Variants in ADK observed in about 807,000 individuals in gnomAD.
ADK encodes the protein adenosine kinase, also known as N6,N6-dimethyladenosine kinase.
ADK carries 24 observed loss-of-function variants against 44.7 expected under a neutral mutation model. The observed-to-expected ratio is 0.54, with a 90% CI of 0.39 to 0.76. ADK has a LOEUF of 0.76. Ranked by LOEUF, ADK falls within the 30% of genes least tolerant of loss-of-function variation. The probability of loss-of-function intolerance (pLI) is 0.00; values close to 1 mark genes in which losing one functional copy is unlikely to be tolerated. For missense variants in ADK, 321 were observed against 425.1 expected (o/e 0.76, Z 2.15); for synonymous variants, 128 against 142.6 (o/e 0.90, Z 0.73).
At chr10:74,207,763 C>T (rs192007695) in intron 2 of ADK, among the ~76,000 whole-genome samples, 1 of 152,256 alleles carries the variant, frequency 6.6e-6, no homozygotes, top group East Asian at 1.9e-4. Flanking sequence ...TCAGTGGACC[C>T]CACCTGGAAC....
At chr10:74,177,574 A>G (rs1012131034) in intron 1 of ADK, among the ~76,000 whole-genome samples, 1 of 152,162 alleles carries the variant, frequency 6.6e-6, no homozygotes, top group African/African-American at 2.4e-5. Flanking sequence ...GGGCTTGTCC[A>G]CTTTCTCCCA....
chr10:74,162,698 C>G (rs902350898), intron 1 of ADK, among the ~76,000 whole-genome samples: 1 of 151,758 alleles, frequency 6.6e-6, no homozygotes. Flanking sequence ...TCATGCACCA[C>G]TGTGCCCAGC....
rs67693938 is a variant in ADK, at chr10:74,184,501, T to TTGTGTGTGTGTG, written c.66-16231_66-16220dup. 1.2e-4 allele frequency among the ~76,000 whole-genome samples: 17 copies of TTGTGTGTGTGTG among 138,508 alleles called. No homozygotes were observed. In the South Asian group the frequency reaches 2.4e-3, roughly 20 times the overall value. The allele number at this position is 138,508 out of a possible 152,430, so 90.9% of individuals were successfully genotyped here. ...ACACACCACCATGCCTGGCTATATT[T>TTGTGTGTGTGTG]TGTGTGTGTGTGTGTGTGTGTGTGT... On this transcript the variant is annotated intron_variant, in intron 1 of 10. Transcript: ENST00000539909.
chr10:74,481,431 C>T (rs1281784909), intron 6 of ADK, among the ~76,000 whole-genome samples: 1 of 152,110 alleles, frequency 6.6e-6, no homozygotes, highest in East Asian at 1.9e-4. Context: ...TCCTGACCTC[C>T]ATTTTATTTA....
chr10:74,659,373 C>G (rs76352394), intron 9 of ADK, among the ~76,000 whole-genome samples: 250 of 152,326 alleles, frequency 1.6e-3, no homozygotes, highest in African/African-American at 5.9e-3. Context: ...TGTTTACATT[C>G]AGAACTGAAG....
At chr10:74,255,185 A>T (rs2132350015) in intron 3 of ADK, among the ~76,000 whole-genome samples, 1 of 152,278 alleles carries the variant, frequency 6.6e-6, no homozygotes, top group African/African-American at 2.4e-5. Context: ...GTTAGAAATT[A>T]TAAAGGCAAA....
chr10:74,547,794 G>A (rs1418652642), intron 7 of ADK, among the ~76,000 whole-genome samples: 1 of 152,152 alleles, frequency 6.6e-6, no homozygotes, highest in Non-Finnish European at 1.5e-5. Context: ...GAATAGCTGG[G>A]ATTACAGGCA....
At position 74,278,601 on chromosome 10, in the gene ADK, A is replaced by T. The variant is rs568803266; in HGVS notation, c.195-36066A>T. 2.6e-5 allele frequency among the ~76,000 whole-genome samples: 4 copies of T among 152,338 alleles called. No individual in the cohort carries two copies. In the South Asian group the frequency reaches 8.3e-4, roughly 32 times the overall value. On this transcript the variant is annotated intron_variant, in intron 3 of 10. Coordinates refer to ENST00000539909, the MANE Select transcript of ADK (RefSeq NM_006721.4). ...AGTTTATCTGATAACAATTACATGT[A>T]GTTAAACTTCTTTCTTTTGGTCAAC...
At chr10:74,413,472 A>G (rs767387388) in intron 6 of ADK, among the ~76,000 whole-genome samples, 13 of 152,102 alleles carry the variant, frequency 8.5e-5, no homozygotes, top group African/African-American at 2.4e-4. Flanking sequence ...CTTTCTTTCA[A>G]CCTCACAAAT....
At chr10:74,447,029 C>T (rs1200413251) in intron 6 of ADK, among the ~76,000 whole-genome samples, 1 of 152,156 alleles carries the variant, frequency 6.6e-6, no homozygotes, top group East Asian at 1.9e-4. Context: ...TTAAACATCT[C>T]TCCACTACGT....
intron 9 of ADK, among the ~76,000 whole-genome samples, chr10:74,658,831 T>G (rs144847055): frequency 6.6e-6 from 1 of 152,184 alleles, no homozygotes; most frequent in African/African-American, 2.4e-5. Flanking sequence ...GTGATATGCT[T>G]CATTTAGTGA....
chr10:74,402,675 T>G (rs4362089), intron 6 of ADK, among the ~76,000 whole-genome samples: 98,547 of 151,932 alleles, frequency 0.65, 33,233 homozygotes, highest in Middle Eastern at 0.8. Context: ...TAGCTTCTTT[T>G]AGATGGGTTC....
intron 2 of ADK, among the ~76,000 whole-genome samples, chr10:74,220,863 C>T (rs893854490): frequency 3.3e-5 from 5 of 151,922 alleles, no homozygotes; most frequent in Non-Finnish European, 5.9e-5. Context: ...ATTGATGGGA[C>T]ATATCTCAAA....
At chr10:74,191,511 C>T (rs1039639203) in intron 1 of ADK, among the ~76,000 whole-genome samples, 1 of 152,190 alleles carries the variant, frequency 6.6e-6, no homozygotes, top group African/African-American at 2.4e-5. Context: ...CTTGGCCTCC[C>T]AAAGTGCTGA....
chr10:74,515,975 G>A (rs751448526), intron 6 of ADK, among the ~76,000 whole-genome samples: 6 of 152,134 alleles, frequency 3.9e-5, no homozygotes, highest in Non-Finnish European at 7.4e-5. Flanking sequence ...AGGTGCAGTG[G>A]CCACTTTCCC....
intron 6 of ADK, among the ~76,000 whole-genome samples, chr10:74,406,622 T>G (rs1843944547): frequency 6.6e-6 from 1 of 151,764 alleles, no homozygotes; most frequent in South Asian, 2.1e-4. Context: ...TTTTTGTTTT[T>G]CTATCTGTTC....
chr10:74,297,762 ATAAT>A (rs1245554302), intron 3 of ADK, among the ~76,000 whole-genome samples: 1 of 152,236 alleles, frequency 6.6e-6, no homozygotes, highest in Non-Finnish European at 1.5e-5. Flanking sequence ...TTTAGTGTTC[ATAAT>A]TAAAGTTTAT....
At chr10:74,693,123 G>A (rs371658518) in intron 10 of ADK, among the ~76,000 whole-genome samples, 4 of 152,294 alleles carry the variant, frequency 2.6e-5, no homozygotes, top group Admixed American at 2.0e-4. Context: ...ACAACACAAA[G>A]TGTAAGCCCT....
At chr10:74,542,298 C>A (rs1005903854) in intron 7 of ADK, among the ~76,000 whole-genome samples, 8 of 152,220 alleles carry the variant, frequency 5.3e-5, no homozygotes, top group Non-Finnish European at 8.8e-5. Context: ...GCCTGGATTC[C>A]TTTTCCTGGA....
Sources: allele counts gnomAD v4.1 joint callset (sites outside exome capture counted in the v4.1 genomes callset), GRCh38; gene constraint gnomAD v4.1.1; transcripts MANE v1.5; gene names NCBI Gene and HGNC (gene_info 2026-07-23, HGNC 2026-07-21).